Variants in VMP1 observed in about 807,000 individuals in gnomAD.
The protein encoded by VMP1 is vacuole membrane protein 1.
A neutral mutation model predicts 56.0 loss-of-function variants in VMP1; 11 were observed. That is an observed-to-expected ratio of 0.20 (90% CI 0.12 to 0.32). The LOEUF (loss-of-function observed/expected upper bound fraction) is 0.32, where lower values mean the gene tolerates loss of function less well. Among genes scored for constraint, VMP1 ranks in the 10% least tolerant of loss-of-function variants. The pLI is 1.00. For missense variants in VMP1, 296 were observed against 490.3 expected (o/e 0.60, Z 3.74); for synonymous variants, 149 against 165.0 (o/e 0.90, Z 0.74).
chr17:59,732,110 CT>C (rs559800092), intron 2 of VMP1, among the ~76,000 whole-genome samples: 56 of 151,080 alleles, frequency 3.7e-4, no homozygotes, highest in African/African-American at 1.3e-3. Context: ...TGTAATCATA[CT>C]TTTTTTTTAG....
At chr17:59,831,801 GTT>G (rs11424411) in intron 10 of VMP1, among the ~76,000 whole-genome samples, 1 of 149,130 alleles carries the variant, frequency 6.7e-6, no homozygotes, top group South Asian at 2.1e-4. Context: ...GCATTCCTGA[GTT>G]TTTTTTTTAA....
intron 7 of VMP1, among the ~76,000 whole-genome samples, chr17:59,801,951 A>G (rs1443305319): frequency 6.6e-6 from 1 of 152,182 alleles, no homozygotes; most frequent in Non-Finnish European, 1.5e-5. Flanking sequence ...CTGTAATCCC[A>G]GCACTTTGGG....
intron 7 of VMP1, among the ~76,000 whole-genome samples, chr17:59,800,899 G>A (rs2037616776): frequency 1.3e-5 from 2 of 151,896 alleles, no homozygotes; most frequent in African/African-American, 4.8e-5. Context: ...GGCCAGCATG[G>A]TGAAACCCCA....
chr17:59,793,191 T>C (rs910473160), intron 7 of VMP1, among the ~76,000 whole-genome samples: 1 of 112,710 alleles, frequency 8.9e-6, no homozygotes, highest in African/African-American at 2.6e-5. Context: ...TTTCTAATTT[T>C]TTTTTTAGTA....
chr17:59,715,532 G>T (rs2034119722), intron 1 of VMP1, among the ~76,000 whole-genome samples: 1 of 152,084 alleles, frequency 6.6e-6, no homozygotes, highest in Non-Finnish European at 1.5e-5. Flanking sequence ...CAACATGTGG[G>T]GATTACAGGA....
intron 6 of VMP1, among the ~76,000 whole-genome samples, chr17:59,770,733 A>G (rs2036393829): frequency 6.6e-6 from 1 of 151,570 alleles, no homozygotes; most frequent in African/African-American, 2.4e-5. Flanking sequence ...GGCGCACACC[A>G]CCATACCCGG....
intron 7 of VMP1, among the ~76,000 whole-genome samples, chr17:59,801,385 A>C (rs981464491): frequency 6.7e-6 from 1 of 149,854 alleles, no homozygotes; most frequent in Admixed American, 6.7e-5. Flanking sequence ...AACTGGGAAC[A>C]CAGACTTGCA....
chr17:59,738,736 A>G (rs561273067), intron 4 of VMP1, 101 bp from the exon 5 acceptor site: 3 of 868,512 alleles, frequency 3.5e-6, no homozygotes, highest in Non-Finnish European at 5.5e-6. Context: ...GTTTTTTCCT[A>G]TTTGAAACTT....
chr17:59,781,048 AGTT>A (rs1415206823), intron 7 of VMP1, among the ~76,000 whole-genome samples: 1 of 152,124 alleles, frequency 6.6e-6, no homozygotes, highest in Non-Finnish European at 1.5e-5. Context: ...ATTTGTTTAT[AGTT>A]GTTTTGCAGT....
chr17:59,747,277 A>C (rs1035814786), intron 5 of VMP1, among the ~76,000 whole-genome samples: 1 of 152,142 alleles, frequency 6.6e-6, no homozygotes, highest in Non-Finnish European at 1.5e-5. Flanking sequence ...TTAATAGTCT[A>C]CCTTTCTGGC....
At chr17:59,790,497 G>T (rs1488116191) in intron 7 of VMP1, among the ~76,000 whole-genome samples, 1 of 152,064 alleles carries the variant, frequency 6.6e-6, no homozygotes. Context: ...CTCTCTGAAG[G>T]TATAAAGTTT....
intron 10 of VMP1, among the ~76,000 whole-genome samples, chr17:59,824,348 T>A (rs1360575122): frequency 6.8e-6 from 1 of 147,288 alleles, no homozygotes; most frequent in Admixed American, 6.7e-5. Context: ...AAGGCAGGTG[T>A]ATCACCTGAG....
chr17:59,805,169 C>G (rs1183376376), intron 7 of VMP1, among the ~76,000 whole-genome samples: 1 of 152,150 alleles, frequency 6.6e-6, no homozygotes, highest in Non-Finnish European at 1.5e-5. Context: ...TAGATTAACT[C>G]TTTGTGCTCA....
intron 7 of VMP1, among the ~76,000 whole-genome samples, chr17:59,791,622 G>A (rs753330669): frequency 1.4e-5 from 2 of 145,846 alleles, no homozygotes; most frequent in East Asian, 2.1e-4. Context: ...AGGCCACCAC[G>A]CCCGGCTAAT....
At chr17:59,728,033 G>C (rs918217948) in intron 1 of VMP1, among the ~76,000 whole-genome samples, 1 of 152,134 alleles carries the variant, frequency 6.6e-6, no homozygotes, top group African/African-American at 2.4e-5. Context: ...TTTATTTCTT[G>C]ATGTGTTTAT....
At chr17:59,744,950 T>C (rs2143868727) in intron 5 of VMP1, among the ~76,000 whole-genome samples, 1 of 152,276 alleles carries the variant, frequency 6.6e-6, no homozygotes, top group Non-Finnish European at 1.5e-5. Context: ...TTTAATTGAC[T>C]GGTTGGGGTG....
At chr17:59,780,942 T>C (rs1475986469) in intron 7 of VMP1, among the ~76,000 whole-genome samples, 1 of 152,162 alleles carries the variant, frequency 6.6e-6, no homozygotes, top group Non-Finnish European at 1.5e-5. Flanking sequence ...TTCCATCAAT[T>C]TTGTGGCTTA....
At position 59,773,904 on chromosome 17, in the gene VMP1, G is replaced by C. The variant is rs1414014059; in HGVS notation, c.714+19G>C. 1 of 1,577,938 alleles carries C rather than the reference G, an allele frequency of 6.3e-7. No homozygotes were observed. The highest frequency in any genetic ancestry group is 1.8e-5 in the Admixed American group (1 of 54,826). On this transcript the variant is annotated intron_variant, in intron 7 of 11. Transcript: ENST00000262291. Reference sequence around the variant, plus strand: ...TGCACAAGTAAGAACAGTGGGGATAGAAAATAGAACACTTTACTTCTTCCT... The same window carrying C: ...TGCACAAGTAAGAACAGTGGGGATACAAAATAGAACACTTTACTTCTTCCT...
At chr17:59,737,948 T>C (rs1207301115) in intron 4 of VMP1, among the ~76,000 whole-genome samples, 1 of 152,116 alleles carries the variant, frequency 6.6e-6, no homozygotes, top group East Asian at 1.9e-4. Context: ...TTTTTTTGTA[T>C]TTTTGTAGAG....
Sources: gnomAD v4.1 joint callset for allele counts (sites outside exome capture counted in the v4.1 genomes callset) on GRCh38, gnomAD v4.1.1 for gene constraint, MANE v1.5 for transcripts, NCBI Gene and HGNC (gene_info 2026-07-23, HGNC 2026-07-21) for gene names.